RNF220: variants seen among roughly 807,000 people sequenced by gnomAD.
The protein encoded by RNF220 is ring finger protein 220.
RNF220 carries 7 observed loss-of-function variants against 67.1 expected under a neutral mutation model. The observed-to-expected ratio is 0.10, with a 90% CI of 0.06 to 0.20. The LOEUF is 0.20. Ranked by LOEUF, RNF220 falls within the 10% of genes least tolerant of loss-of-function variation. The probability of loss-of-function intolerance (pLI) is 1.00; values close to 1 mark genes in which losing one functional copy is unlikely to be tolerated. For synonymous variants in RNF220, 270 were observed against 283.2 expected (o/e 0.95, Z 0.47); for missense variants, 565 against 740.3 (o/e 0.76, Z 2.75).
intron 2 of RNF220, among the ~76,000 whole-genome samples, chr1:44,564,768 AAG>A (rs1491493700): frequency 6.6e-6 from 1 of 151,728 alleles, no homozygotes; most frequent in Non-Finnish European, 1.5e-5. Flanking sequence ...AAAAAAAAAA[AAG>A]AACCACTATT....
At chr1:44,407,404 G>C (rs1369705917) in intron 1 of RNF220, among the ~76,000 whole-genome samples, 1 of 152,206 alleles carries the variant, frequency 6.6e-6, no homozygotes, top group Non-Finnish European at 1.5e-5. Context: ...GGCTCTTCCT[G>C]CAAAGGGGAA....
intron 2 of RNF220, among the ~76,000 whole-genome samples, chr1:44,478,730 A>G (rs779223738): frequency 5.9e-5 from 9 of 152,176 alleles, no homozygotes; most frequent in Middle Eastern, 3.4e-3. Context: ...TCTAAAAAAA[A>G]GAGAGAGAGA....
At chr1:44,594,304 C>T (rs1666319867) in intron 2 of RNF220, among the ~76,000 whole-genome samples, 1 of 152,124 alleles carries the variant, frequency 6.6e-6, no homozygotes, top group Admixed American at 6.5e-5. Context: ...CCTCCTCCTC[C>T]TTTCACTCCC....
At chr1:44,470,825 C>T (rs1170596575) in intron 2 of RNF220, among the ~76,000 whole-genome samples, 17 of 152,160 alleles carry the variant, frequency 1.1e-4, no homozygotes, top group Admixed American at 1.1e-3. Flanking sequence ...CTATTTCTTC[C>T]CTTCCTATTA....
chr1:44,446,967 T>C (rs1652171967), intron 2 of RNF220, among the ~76,000 whole-genome samples: 1 of 152,214 alleles, frequency 6.6e-6, no homozygotes, highest in Non-Finnish European at 1.5e-5. Context: ...GTCCATGAGC[T>C]CTACCTCCAC....
At chr1:44,549,719 A>G (rs1276922892) in intron 2 of RNF220, among the ~76,000 whole-genome samples, 1 of 152,176 alleles carries the variant, frequency 6.6e-6, no homozygotes, top group Admixed American at 6.5e-5. Flanking sequence ...TCCTCCAGAG[A>G]GAGCATGTGT....
chr1:44,526,249 T>G (rs1660366522), intron 2 of RNF220, among the ~76,000 whole-genome samples: 1 of 152,208 alleles, frequency 6.6e-6, no homozygotes. Context: ...GTCTCAACAG[T>G]CTGCGTACTT....
intron 2 of RNF220, among the ~76,000 whole-genome samples, chr1:44,545,177 G>C (rs983612388): frequency 6.6e-6 from 1 of 152,218 alleles, no homozygotes; most frequent in Admixed American, 6.5e-5. Flanking sequence ...TTCAAATCAG[G>C]CCTCACAGAA....
At chr1:44,618,673 G>A (rs1355427069) in intron 3 of RNF220, among the ~76,000 whole-genome samples, 2 of 152,190 alleles carry the variant, frequency 1.3e-5, no homozygotes, top group Non-Finnish European at 2.9e-5. Context: ...ATGAGCCAGG[G>A]TGAAGCCTGG....
At chr1:44,608,125 G>C (rs1231142115) in intron 2 of RNF220, among the ~76,000 whole-genome samples, 1 of 151,854 alleles carries the variant, frequency 6.6e-6, no homozygotes, top group African/African-American at 2.4e-5. Context: ...GGGTCTAACT[G>C]TGTTGCCCAG....
At chr1:44,441,194 A>C (rs193213858) in intron 2 of RNF220, among the ~76,000 whole-genome samples, 58 of 152,298 alleles carry the variant, frequency 3.8e-4, no homozygotes, top group African/African-American at 1.3e-3. Context: ...TTGAGAGAAT[A>C]GTGTGTCAGG....
intron 2 of RNF220, among the ~76,000 whole-genome samples, chr1:44,506,514 G>T (rs1241436769): frequency 6.6e-6 from 1 of 152,240 alleles, no homozygotes; most frequent in Non-Finnish European, 1.5e-5. Context: ...TTTGCCAGAA[G>T]TGGATCCTCC....
intron 2 of RNF220, among the ~76,000 whole-genome samples, chr1:44,415,451 A>T (rs954345858): frequency 1.3e-5 from 2 of 152,216 alleles, no homozygotes; most frequent in South Asian, 4.1e-4. Context: ...GAGCAGAGTG[A>T]TAGGATACAG....
At chr1:44,450,290 G>A (rs931563443) in intron 2 of RNF220, among the ~76,000 whole-genome samples, 4 of 151,900 alleles carry the variant, frequency 2.6e-5, no homozygotes, top group African/African-American at 9.7e-5. Flanking sequence ...GCCTCTTACT[G>A]TAGATATAGC....
intron 2 of RNF220, among the ~76,000 whole-genome samples, chr1:44,450,107 G>A (rs1652516629): frequency 6.6e-6 from 1 of 152,134 alleles, no homozygotes. Context: ...TACCCCGGAG[G>A]CTGAGGCAGG....
Position 44,539,152 on chromosome 1 carries a change from C to T in RNF220, c.626-75013C>T, listed in dbSNP as rs57489449. ...AGGAGAATCACTTGAACCCGGGATG[C>T]GAAGGTTGCAGTGAGCCAAGATCGC... On this transcript the variant is annotated intron_variant, in intron 2 of 14. Transcript: ENST00000361799. 6.1e-3 allele frequency among the ~76,000 whole-genome samples: 932 copies of T among 151,820 alleles called. 5 individuals are homozygous for T. The highest frequency in any genetic ancestry group is 0.021 in the African/African-American group (887 of 41,392).
intron 8 of RNF220, among the ~76,000 whole-genome samples, chr1:44,642,672 C>T (rs756856378): frequency 2.0e-5 from 3 of 152,174 alleles, no homozygotes; most frequent in East Asian, 1.9e-4. Context: ...CTGCTTTCTG[C>T]GTTGAGAAGC....
At chr1:44,584,760 G>A (rs147639237) in intron 2 of RNF220, among the ~76,000 whole-genome samples, 5,100 of 152,220 alleles carry the variant, frequency 0.034, 314 homozygotes, top group African/African-American at 0.12. Flanking sequence ...GTGCAGTGGC[G>A]CCATCTCAGC....
intron 2 of RNF220, among the ~76,000 whole-genome samples, chr1:44,578,952 T>C (rs1035840604): frequency 6.6e-6 from 1 of 151,552 alleles, no homozygotes; most frequent in African/African-American, 2.4e-5. Context: ...GATCACGAGG[T>C]CAGGAGATTG....
Sources: allele counts gnomAD v4.1 joint callset (sites outside exome capture counted in the v4.1 genomes callset), GRCh38; gene constraint gnomAD v4.1.1; transcripts MANE v1.5; gene names NCBI Gene and HGNC (gene_info 2026-07-23, HGNC 2026-07-21).